BRINP2: variants seen among roughly 807,000 people sequenced by gnomAD.
BRINP2 encodes the protein BMP/retinoic acid inducible neural specific 2.
A neutral mutation model predicts 69.2 loss-of-function variants in BRINP2; 21 were observed. The observed-to-expected ratio is 0.30, with a 90% CI of 0.22 to 0.44. BRINP2 has a LOEUF of 0.44. Ranked by LOEUF, BRINP2 falls within the 20% of genes least tolerant of loss-of-function variation. The pLI is 1.00. For missense variants in BRINP2, 877 were observed against 986.0 expected (o/e 0.89, Z 1.48); for synonymous variants, 380 against 394.1 (o/e 0.96, Z 0.42).
chr1:177,225,652 G>A (rs1649670815), intron 1 of BRINP2, among the ~76,000 whole-genome samples: 1 of 152,194 alleles, frequency 6.6e-6, no homozygotes, highest in African/African-American at 2.4e-5. Flanking sequence ...TATTTGTGGA[G>A]CATAAACAGG....
At chr1:177,200,162 C>G (rs949398118) in intron 1 of BRINP2, among the ~76,000 whole-genome samples, 8 of 151,648 alleles carry the variant, frequency 5.3e-5, no homozygotes, top group African/African-American at 1.7e-4. Context: ...TGTGGTGGTA[C>G]ATGCCTGTGA....
Position 177,256,911 on chromosome 1 carries a change from G to C in BRINP2, c.461-265G>C, listed in dbSNP as rs540187698. On this transcript the variant is annotated intron_variant, in intron 3 of 7. Coordinates refer to ENST00000361539, the MANE Select transcript of BRINP2 (RefSeq NM_021165.4). ...CTATGAAGATGGATTGCTTGAGACA[G>C]AGTTCAATAGAAGATGTTAAACAGA... The C allele has an allele frequency of 1.3e-5, 17 of 1,289,318 alleles. No homozygotes were observed. In the South Asian group the frequency reaches 2.6e-4, roughly 20 times the overall value. 79.9% of individuals were successfully genotyped at this position (1,289,318 alleles called of 1,614,324 possible). A position where few individuals can be genotyped will look rare whatever the true frequency, so the allele number is the denominator to read the frequency against.
chr1:177,264,700 C>T (rs1449653700), intron 4 of BRINP2, among the ~76,000 whole-genome samples: 1 of 152,140 alleles, frequency 6.6e-6, no homozygotes, highest in Admixed American at 6.5e-5. Context: ...AACTCCCATT[C>T]GCAATTTCTA....
chr1:177,229,061 A>G (rs1300418826), intron 1 of BRINP2, among the ~76,000 whole-genome samples: 1 of 152,158 alleles, frequency 6.6e-6, no homozygotes, highest in East Asian at 1.9e-4. Context: ...GTGAGGTGAG[A>G]GGATTATGGA....
chr1:177,269,295 C>G (rs1651232039), intron 4 of BRINP2, among the ~76,000 whole-genome samples: 2 of 152,224 alleles, frequency 1.3e-5, no homozygotes, highest in Non-Finnish European at 1.5e-5. Flanking sequence ...CCAAATGATA[C>G]AGAGCACAGC....
intron 2 of BRINP2, among the ~76,000 whole-genome samples, chr1:177,240,727 GA>G (rs943078623): frequency 6.6e-6 from 1 of 152,218 alleles, no homozygotes; most frequent in African/African-American, 2.4e-5. Context: ...GATGAAATCT[GA>G]AAACCACAGG....
intron 4 of BRINP2, among the ~76,000 whole-genome samples, chr1:177,270,178 C>T (rs1028024715): frequency 2.0e-5 from 3 of 152,030 alleles, no homozygotes; most frequent in South Asian, 2.1e-4. Context: ...TTCTTTTCAC[C>T]TCCTTTACTT....
At chr1:177,182,310 A>C (rs1022481155) in intron 1 of BRINP2, among the ~76,000 whole-genome samples, 1 of 152,048 alleles carries the variant, frequency 6.6e-6, no homozygotes, top group Non-Finnish European at 1.5e-5. Flanking sequence ...ATTTGTGTTA[A>C]GGTATTAATG....
chr1:177,265,886 C>T (rs990481965), intron 4 of BRINP2, among the ~76,000 whole-genome samples: 1 of 151,790 alleles, frequency 6.6e-6, no homozygotes, highest in African/African-American at 2.4e-5. Flanking sequence ...TTTGGGAGGC[C>T]AAGGTGAGCG....
At chr1:177,176,302 T>C (rs1558148469) in intron 1 of BRINP2, among the ~76,000 whole-genome samples, 1 of 152,108 alleles carries the variant, frequency 6.6e-6, no homozygotes, top group Non-Finnish European at 1.5e-5. Flanking sequence ...ATGCTGTAAA[T>C]GTAAAATATG....
intron 1 of BRINP2, among the ~76,000 whole-genome samples, chr1:177,201,186 TA>T (rs953951851): frequency 3.6e-4 from 54 of 151,652 alleles, no homozygotes; most frequent in African/African-American, 1.0e-3. Context: ...ACTATTGAAA[TA>T]AAAAAAAGAA....
At chr1:177,191,412 G>T (rs1393882410) in intron 1 of BRINP2, among the ~76,000 whole-genome samples, 1 of 151,984 alleles carries the variant, frequency 6.6e-6, no homozygotes, top group Non-Finnish European at 1.5e-5. Context: ...GGACTTAATG[G>T]CCTGGCAGTC....
chr1:177,181,601 T>G (rs1248035035), intron 1 of BRINP2, among the ~76,000 whole-genome samples: 1 of 152,188 alleles, frequency 6.6e-6, no homozygotes, highest in Non-Finnish European at 1.5e-5. Flanking sequence ...TAGAAATAAC[T>G]AAGCACGCAG....
At chr1:177,220,544 G>C (rs1016055359) in intron 1 of BRINP2, among the ~76,000 whole-genome samples, 1 of 152,132 alleles carries the variant, frequency 6.6e-6, no homozygotes, top group Non-Finnish European at 1.5e-5. Flanking sequence ...TCTAGAAGTA[G>C]AGCAGATGGG....
At chr1:177,262,301 C>G (rs111297451) in intron 4 of BRINP2, among the ~76,000 whole-genome samples, 1 of 151,922 alleles carries the variant, frequency 6.6e-6, no homozygotes, top group Admixed American at 6.6e-5. Flanking sequence ...ATCACAAGGT[C>G]AAGAGATCAA....
chr1:177,261,947 G>A (rs1050939797), intron 4 of BRINP2, among the ~76,000 whole-genome samples: 3 of 152,194 alleles, frequency 2.0e-5, no homozygotes, highest in Non-Finnish European at 2.9e-5. Context: ...AGTCACTAAG[G>A]TGAAGATTGA....
chr1:177,245,888 C>A (rs1650361768), intron 2 of BRINP2, among the ~76,000 whole-genome samples: 2 of 152,180 alleles, frequency 1.3e-5, no homozygotes, highest in South Asian at 4.1e-4. Flanking sequence ...TCCCCTCCCC[C>A]ATTTCTCCCA....
At chr1:177,213,396 T>A (rs1297864157) in intron 1 of BRINP2, among the ~76,000 whole-genome samples, 1 of 152,124 alleles carries the variant, frequency 6.6e-6, no homozygotes, top group Non-Finnish European at 1.5e-5. Flanking sequence ...GCTAAAGGTC[T>A]CCTGGGGGCA....
chr1:177,247,265 T>C (rs188712784), intron 2 of BRINP2, among the ~76,000 whole-genome samples: 19 of 152,342 alleles, frequency 1.2e-4, no homozygotes, highest in East Asian at 9.6e-4. Flanking sequence ...GTGGTACTTA[T>C]TGATTTTCCT....
Sources: allele counts gnomAD v4.1 joint callset (sites outside exome capture counted in the v4.1 genomes callset), GRCh38; gene constraint gnomAD v4.1.1; transcripts MANE v1.5; gene names NCBI Gene and HGNC (gene_info 2026-07-23, HGNC 2026-07-21).